Variants in CSMD1 observed in about 807,000 individuals in gnomAD.
CSMD1 encodes the protein CUB and sushi domain-containing protein 1.
In CSMD1, 213 loss-of-function variants were observed where a neutral mutation model predicts 417.5. The observed-to-expected ratio is 0.51, with a 90% CI of 0.46 to 0.57. CSMD1 has a LOEUF of 0.57. CSMD1 is among the 20% of genes least tolerant of loss of function. CSMD1 has a pLI of 0.00. For missense variants in CSMD1, 6,923 were observed against 4,529.7 expected, an observed-to-expected ratio of 1.53 and a Z score of -15.17; for synonymous variants, 2,862 against 1,736.8, an observed-to-expected ratio of 1.65 and a Z score of -16.11.
At chr8:3,548,585 A>G (rs1798774235) in intron 10 of CSMD1, among the ~76,000 whole-genome samples, 2 of 151,318 alleles carry the variant, frequency 1.3e-5, no homozygotes, top group Admixed American at 6.6e-5. Flanking sequence ...TTAGAATAAT[A>G]GTCCCCAATC....
intron 3 of CSMD1, among the ~76,000 whole-genome samples, chr8:4,132,541 A>T (rs368373354): frequency 2.6e-5 from 4 of 152,194 alleles, no homozygotes; most frequent in East Asian, 1.9e-4. Flanking sequence ...TTTAAAATGC[A>T]AAGGGGGCAA....
At chr8:4,090,642 C>T (rs62501311) in intron 3 of CSMD1, among the ~76,000 whole-genome samples, 2 of 152,132 alleles carry the variant, frequency 1.3e-5, no homozygotes, top group African/African-American at 4.8e-5. Context: ...CGTCCCTGAA[C>T]TTAAGTAATT....
At chr8:4,658,555 T>C (rs1390062027) in intron 1 of CSMD1, among the ~76,000 whole-genome samples, 1 of 152,124 alleles carries the variant, frequency 6.6e-6, no homozygotes, top group Non-Finnish European at 1.5e-5. Flanking sequence ...ATTGATAAAC[T>C]AGAAATAAAT....
intron 1 of CSMD1, among the ~76,000 whole-genome samples, chr8:4,846,404 A>G (rs1330834056): frequency 6.6e-6 from 1 of 152,162 alleles, no homozygotes; most frequent in Non-Finnish European, 1.5e-5. Flanking sequence ...AGCCATCACT[A>G]ACTCAGCCAG....
chr8:3,305,154 G>C (rs747316817), intron 25 of CSMD1, among the ~76,000 whole-genome samples: 70 of 152,180 alleles, frequency 4.6e-4, no homozygotes, highest in Non-Finnish European at 7.1e-4. Flanking sequence ...GAAAGTGCTG[G>C]GATGACAGGT....
chr8:3,492,734 G>A lies in CSMD1; in HGVS notation c.1448+889C>T, dbSNP rs151314130. Among the ~76,000 whole-genome samples the A allele has an allele frequency of 6.9e-3, 1,056 of 152,256 alleles. 14 individuals carry two copies. Among genetic ancestry groups the A allele is most frequent in the African/African-American group, 0.023 (963 of 41,552 alleles). On this transcript the variant is annotated intron_variant, in intron 11 of 69. Coordinates refer to ENST00000635120, the MANE Select transcript of CSMD1 (RefSeq NM_033225.6). ...GTGATCCTGGTGAAAACTGAGAAGT[G>A]GGATCAGTCTGCAAATATTCACAGC...
At chr8:4,728,915 A>G (rs1004398390) in intron 1 of CSMD1, among the ~76,000 whole-genome samples, 1 of 152,216 alleles carries the variant, frequency 6.6e-6, no homozygotes, top group African/African-American at 2.4e-5. Context: ...GTCTTTGAGC[A>G]TTACAACGTT....
chr8:4,822,853 G>C (rs182496431), intron 1 of CSMD1, among the ~76,000 whole-genome samples: 2 of 152,078 alleles, frequency 1.3e-5, no homozygotes, highest in African/African-American at 4.8e-5. Flanking sequence ...AATTTTCTCC[G>C]TCAGATTGTC....
intron 2 of CSMD1, among the ~76,000 whole-genome samples, chr8:4,538,023 T>C (rs929812770): frequency 6.6e-6 from 1 of 152,170 alleles, no homozygotes; most frequent in East Asian, 1.9e-4. Context: ...CTGAATCACA[T>C]AACTGAGTAT....
intron 1 of CSMD1, among the ~76,000 whole-genome samples, chr8:4,755,304 G>A (rs927401610): frequency 6.6e-6 from 1 of 152,062 alleles, no homozygotes; most frequent in African/African-American, 2.4e-5. Context: ...CTTCTTTATA[G>A]CACTTGACAA....
chr8:3,706,377 T>A (rs1370746014), intron 7 of CSMD1, among the ~76,000 whole-genome samples: 1 of 152,244 alleles, frequency 6.6e-6, no homozygotes, highest in African/African-American at 2.4e-5. Context: ...ACAATTTCAT[T>A]TTCTCTGTCA....
Position 4,709,110 on chromosome 8 carries a change from A to G in CSMD1, c.86-71552T>C, listed in dbSNP as rs189049059. ...TCCCAATATGGTAGACTGGGTTGGA[A>G]AAAATGTCTTACTCTAATCACATGG... On this transcript the variant is annotated intron_variant, in intron 1 of 69. Coordinates refer to ENST00000635120, the MANE Select transcript of CSMD1 (RefSeq NM_033225.6). Among the ~76,000 whole-genome samples the G allele has an allele frequency of 1.8e-3, 268 of 152,336 alleles. 1 individual carries two copies. The highest frequency in any genetic ancestry group is 6.3e-3 in the African/African-American group (260 of 41,578).
chr8:3,804,947 T>A (rs906939214), intron 5 of CSMD1, among the ~76,000 whole-genome samples: 10 of 152,170 alleles, frequency 6.6e-5, no homozygotes, highest in Admixed American at 3.3e-4. Flanking sequence ...GAATGACTTC[T>A]CCACCTCTGT....
At chr8:4,071,255 C>G (rs1330375834) in intron 3 of CSMD1, among the ~76,000 whole-genome samples, 2 of 152,056 alleles carry the variant, frequency 1.3e-5, no homozygotes, top group South Asian at 2.1e-4. Context: ...CCCAAAGAAG[C>G]CTGACGCCCT....
At chr8:3,936,237 A>T (rs1433232328) in intron 5 of CSMD1, among the ~76,000 whole-genome samples, 2 of 151,998 alleles carry the variant, frequency 1.3e-5, no homozygotes, top group Admixed American at 1.3e-4. Context: ...TAAAGCAGCA[A>T]GTGATGATGG....
At chr8:4,845,246 T>C (rs550425067) in intron 1 of CSMD1, among the ~76,000 whole-genome samples, 9 of 152,298 alleles carry the variant, frequency 5.9e-5, no homozygotes, top group Non-Finnish European at 8.8e-5. Flanking sequence ...GTATTATATT[T>C]GATAAAGACA....
At chr8:3,937,893 T>G (rs555199730) in intron 5 of CSMD1, among the ~76,000 whole-genome samples, 4 of 152,304 alleles carry the variant, frequency 2.6e-5, no homozygotes, top group Non-Finnish European at 5.9e-5. Flanking sequence ...AGAAACTTTA[T>G]GATTTAAAGA....
At chr8:3,972,431 CTT>C (rs949963986) in intron 5 of CSMD1, among the ~76,000 whole-genome samples, 379 of 152,228 alleles carry the variant, frequency 2.5e-3, no homozygotes, top group African/African-American at 8.7e-3. Flanking sequence ...TTTAATGTAA[CTT>C]TAGGTCTTTG....
At chr8:3,318,065 T>C (rs762678171) in intron 23 of CSMD1, among the ~76,000 whole-genome samples, 1 of 152,230 alleles carries the variant, frequency 6.6e-6, no homozygotes, top group Non-Finnish European at 1.5e-5. Context: ...CCTCCCAAAA[T>C]GTTGGGATTA....
Sources: gnomAD v4.1 joint callset for allele counts (sites outside exome capture counted in the v4.1 genomes callset) on GRCh38, gnomAD v4.1.1 for gene constraint, MANE v1.5 for transcripts, NCBI Gene and HGNC (gene_info 2026-07-23, HGNC 2026-07-21) for gene names.